Variants in FER observed in about 807,000 individuals in gnomAD.
FER encodes tyrosine-protein kinase Fer.
A neutral mutation model predicts 111.0 loss-of-function variants in FER; 63 were observed. The observed-to-expected ratio is 0.57, with a 90% confidence interval of 0.46 to 0.70. The LOEUF (loss-of-function observed/expected upper bound fraction) is 0.70. Among genes scored for constraint, FER ranks in the 30% least tolerant of loss-of-function variants. The probability of loss-of-function intolerance (pLI) is 0.00; values close to 1 mark genes in which losing one functional copy is unlikely to be tolerated. For missense variants in FER, 914 were observed against 954.0 expected (o/e 0.96, Z 0.55); for synonymous variants, 327 against 313.9 (o/e 1.04, Z -0.44).
intron 13 of FER, among the ~76,000 whole-genome samples, chr5:108,979,034 T>C (rs1011163830): frequency 6.6e-6 from 1 of 152,244 alleles, no homozygotes; most frequent in Non-Finnish European, 1.5e-5. Context: ...CTTATTTGTA[T>C]TATTCTCAAT....
chr5:108,967,078 CACTTT>C (rs1440151895), intron 13 of FER, among the ~76,000 whole-genome samples: 1 of 152,160 alleles, frequency 6.6e-6, no homozygotes, highest in Admixed American at 6.5e-5. Context: ...CTCACACAGC[CACTTT>C]ACTTGCTGCA....
chr5:108,979,762 C>G lies in FER; in HGVS notation c.1656+20415C>G, dbSNP rs185167769. On this transcript the variant is annotated intron_variant, in intron 13 of 19. Coordinates refer to ENST00000281092, the MANE Select transcript of FER (RefSeq NM_005246.4). ...TTGTCTCCTGTTGTGTCCTTTTTTT[C>G]TTATAAAAATTTATTTTAGAAGAAA... 4.5e-4 allele frequency among the ~76,000 whole-genome samples: 68 copies of G among 151,972 alleles called. 1 individual carries two copies. The highest frequency in any genetic ancestry group is 1.5e-3 in the African/African-American group (63 of 41,488).
intron 2 of FER, among the ~76,000 whole-genome samples, chr5:108,783,898 G>T (rs1432310365): frequency 6.6e-6 from 1 of 152,154 alleles, no homozygotes; most frequent in East Asian, 1.9e-4. Flanking sequence ...AGAACAAGAG[G>T]CTTCCTGAGA....
At chr5:109,127,860 G>A (rs1029109981) in intron 17 of FER, among the ~76,000 whole-genome samples, 1 of 152,068 alleles carries the variant, frequency 6.6e-6, no homozygotes, top group Admixed American at 6.6e-5. Context: ...GAAAATCAAT[G>A]TATGTGTTCT....
intron 16 of FER, among the ~76,000 whole-genome samples, chr5:109,075,385 T>G (rs1776204859): frequency 6.6e-6 from 1 of 152,072 alleles, no homozygotes; most frequent in Non-Finnish European, 1.5e-5. Flanking sequence ...TTTTCTAGAT[T>G]GTTTCTTGGC....
Position 109,192,526 on chromosome 5 carries a change from C to T in FER, c.*4951C>T, listed in dbSNP as rs942902894. 8 of 152,130 alleles carry T rather than the reference C, an allele frequency of 5.3e-5. No individual in the cohort carries two copies. The highest frequency in any genetic ancestry group is 5.2e-4 in the Admixed American group (8 of 15,248). 9.4% of individuals were successfully genotyped at this position (152,130 alleles called of 1,614,324 possible). A position where few individuals can be genotyped will look rare whatever the true frequency, so the allele number is the denominator to read the frequency against. On this transcript the variant is annotated 3_prime_UTR_variant, in exon 20 of 20. Coordinates refer to ENST00000281092, the MANE Select transcript of FER (RefSeq NM_005246.4). ...GGAAATGCTTATATTCATTATTTCC[C>T]AACTAATGCATTTGGACATATGTAT...
chr5:108,758,920 C>T (rs1751412754), intron 1 of FER, among the ~76,000 whole-genome samples: 1 of 152,098 alleles, frequency 6.6e-6, no homozygotes, highest in Non-Finnish European at 1.5e-5. Flanking sequence ...GAAAAAAATG[C>T]CCTCACCTAT....
intron 13 of FER, 84 bp from the exon 14 acceptor site, chr5:109,037,338 G>A: frequency 1.8e-6 from 2 of 1,100,902 alleles, no homozygotes; most frequent in South Asian, 1.3e-5. Flanking sequence ...TATCCCTTTA[G>A]GTCGACTTTC....
intron 5 of FER, among the ~76,000 whole-genome samples, chr5:108,856,728 A>G (rs1033697281): frequency 3.9e-5 from 6 of 152,146 alleles, no homozygotes; most frequent in Non-Finnish European, 8.8e-5. Context: ...TTGTTCTTCC[A>G]CACACTCGAC....
At chr5:108,775,096 A>G (rs966905353) in intron 2 of FER, among the ~76,000 whole-genome samples, 2 of 152,144 alleles carry the variant, frequency 1.3e-5, no homozygotes, top group Non-Finnish European at 2.9e-5. Context: ...GTCCAGTTTC[A>G]GTTTTCTGCA....
At chr5:109,156,932 C>T (rs1755460774) in intron 17 of FER, among the ~76,000 whole-genome samples, 2 of 151,926 alleles carry the variant, frequency 1.3e-5, no homozygotes, top group East Asian at 3.9e-4. Context: ...GGAAGGGGCT[C>T]AAAGGTAAGA....
In FER at chr5:109,146,272, A is replaced by C. The variant is rs377202381; in HGVS notation, c.2049-34475A>C. 1.7e-3 allele frequency among the ~76,000 whole-genome samples: 91 copies of C among 53,194 alleles called. 5 individuals are homozygous for C. Among genetic ancestry groups the C allele is most frequent in the African/African-American group, 3.4e-3 (47 of 13,632 alleles). 34.9% of individuals were successfully genotyped at this position (53,194 alleles called of 152,430 possible). On this transcript the variant is annotated intron_variant, in intron 17 of 19. Transcript: ENST00000281092. Reference sequence around the variant, plus strand: ...CTATCTAATATATATATATATATATATATATATATATATATATATCTTGGG... The same window carrying C: ...CTATCTAATATATATATATATATATCTATATATATATATATATATCTTGGG...
At chr5:108,860,275 A>C (rs144934361) in intron 5 of FER, among the ~76,000 whole-genome samples, 89 of 152,180 alleles carry the variant, frequency 5.8e-4, no homozygotes, top group African/African-American at 2.0e-3. Context: ...TTATAGGAGC[A>C]TATAAACACA....
intron 8 of FER, among the ~76,000 whole-genome samples, chr5:108,881,957 A>G (rs1765721188): frequency 1.3e-5 from 2 of 152,164 alleles, no homozygotes; most frequent in African/African-American, 2.4e-5. Context: ...TAATATAATT[A>G]GAACAATGCT....
chr5:108,872,067 C>G (rs1561542381), intron 7 of FER, 26 bp from the exon 8 acceptor site: 2 of 1,603,014 alleles, frequency 1.2e-6, no homozygotes, highest in South Asian at 1.1e-5. Context: ...TTACAATGAT[C>G]AAAATTATTT....
intron 9 of FER, among the ~76,000 whole-genome samples, chr5:108,891,727 C>T (rs1748095408): frequency 6.6e-6 from 1 of 150,738 alleles, no homozygotes; most frequent in Admixed American, 6.6e-5. Flanking sequence ...AGGTTAGTTA[C>T]ATATGTATAC....
chr5:108,751,715 C>T (rs1214111920), intron 1 of FER, among the ~76,000 whole-genome samples: 1 of 152,048 alleles, frequency 6.6e-6, no homozygotes, highest in Non-Finnish European at 1.5e-5. Flanking sequence ...TTCATGGAGA[C>T]TGACGTAATT....
chr5:109,105,959 G>A (rs1748866149), intron 17 of FER, among the ~76,000 whole-genome samples: 1 of 152,162 alleles, frequency 6.6e-6, no homozygotes, highest in African/African-American at 2.4e-5. Context: ...TATTGTTTAA[G>A]CCCGTTTTAC....
intron 10 of FER, among the ~76,000 whole-genome samples, chr5:108,929,154 A>G (rs1241141734): frequency 7.9e-5 from 12 of 152,144 alleles, no homozygotes; most frequent in Admixed American, 5.9e-4. Flanking sequence ...AGATGTTTCT[A>G]TATTCCTAAT....
Sources: allele counts gnomAD v4.1 joint callset (sites outside exome capture counted in the v4.1 genomes callset), GRCh38; gene constraint gnomAD v4.1.1; transcripts MANE v1.5; gene names NCBI Gene and HGNC (gene_info 2026-07-23, HGNC 2026-07-21).